The following TRIM60 variants were observed in gnomAD, a reference collection of about 807,000 sequenced individuals.
TRIM60 encodes tripartite motif containing 60.
For synonymous variants in TRIM60, 189 were observed against 195.2 expected (o/e 0.97, Z 0.27); for missense variants, 524 against 540.8 (o/e 0.97, Z 0.31).
chr4:165,036,904 G>GAA (rs201081021), intron 1 of TRIM60, among the ~76,000 whole-genome samples: 1 of 134,344 alleles, frequency 7.4e-6, no homozygotes, highest in Admixed American at 7.2e-5. Context: ...AAAGAAAAAA[G>GAA]AAAAAAAAAG....
At chr4:165,034,133 CTTTTTATTTTAAATGAAATACACTTTT>C (rs1337797623) in intron 1 of TRIM60, among the ~76,000 whole-genome samples, 1 of 150,484 alleles carries the variant, frequency 6.6e-6, no homozygotes, top group Non-Finnish European at 1.5e-5. Flanking sequence ...TTCCCTGCAC[CTTTTTATTTTAAATGAAATACACTTTT>C]TTTTTTTTTT....
At position 165,038,640 on chromosome 4, in the gene TRIM60, C is replaced by CAA. The variant is rs34680036; in HGVS notation, c.-56-543_-56-542dup. ...TGGGTGACACAGAAAGACCCTGTCT[C>CAA]AAAAAAAAAAAAAAAAAAAGCCTGC... On this transcript the variant is annotated intron_variant, in intron 1 of 2. Transcript: ENST00000512596. 1.4e-4 allele frequency among the ~76,000 whole-genome samples: 9 copies of CAA among 64,612 alleles called. No homozygotes were observed. The East Asian group carries it at 2.3e-3, about 17-fold the overall frequency. The allele number at this position is 64,612 out of a possible 152,430, so 42.4% of individuals were successfully genotyped here. A position where few individuals can be genotyped will look rare whatever the true frequency, so the allele number is the denominator to read the frequency against.
At chr4:165,038,562 A>G (rs1411621832) in intron 1 of TRIM60, among the ~76,000 whole-genome samples, 1 of 146,490 alleles carries the variant, frequency 6.8e-6, no homozygotes, top group East Asian at 2.0e-4. Flanking sequence ...GGTCGTGGTT[A>G]CTCTGCAGGC....
chr4:165,038,938 C>T (rs1733685632), intron 1 of TRIM60, among the ~76,000 whole-genome samples: 1 of 151,918 alleles, frequency 6.6e-6, no homozygotes. Flanking sequence ...TGGTAGGCGC[C>T]TTAATCCCAG....
Position 165,040,425 on chromosome 4 carries a change from A to G in TRIM60, c.353A>G (p.Gln118Arg). 2 of 1,614,232 alleles carry G rather than the reference A, an allele frequency of 1.2e-6. No individual in the cohort carries two copies. Among genetic ancestry groups the G allele is most frequent in the African/African-American group, 1.3e-5 (1 of 75,068 alleles). ...AAAGATCTAGAGATCTTATGTACAC[A>G]GTGCAGTTTCTCCACTAAACACCAG... Reference protein sequence around the residue: ...CVKDLEILCTQCSFSTKHQKH... With the variant: ...CVKDLEILCTRCSFSTKHQKH... The change falls in exon 3 of 3, where the codon CAG becomes CGG. Residue 118 changes from glutamine to arginine, a missense_variant. Coordinates refer to ENST00000512596, the MANE Select transcript of TRIM60 (RefSeq NM_152620.3).
At chr4:165,033,202 A>T (rs994517798) in intron 1 of TRIM60, among the ~76,000 whole-genome samples, 2 of 152,142 alleles carry the variant, frequency 1.3e-5, no homozygotes, top group Admixed American at 1.3e-4. Context: ...AAGTAAAATA[A>T]ATAAGGTAAT....
At chr4:165,039,027 A>C (rs998713387) in intron 1 of TRIM60, among the ~76,000 whole-genome samples, 174 bp from the exon 2 acceptor site, 1 of 152,056 alleles carries the variant, frequency 6.6e-6, no homozygotes, top group Non-Finnish European at 1.5e-5. Context: ...GTGCCATTGC[A>C]CTCCAGCCTG....
At position 165,040,800 on chromosome 4, in the gene TRIM60, A is replaced by G. The variant is rs1733742519; in HGVS notation, c.728A>G (p.Gln243Arg). Residue 243 changes from glutamine (Q) to arginine (R), a missense_variant, in exon 3 of 3, where the codon CAG becomes CGG. Transcript: ENST00000512596. ...LLREVEGKSV[Q>R]SNLELLTQAK... The stretch of plus-strand genomic sequence containing the variant: ...AGGGAGGTAGAGGGCAAGTCTGTGC[A>G]GTCAAACCTGGAATTACTGACACAA... 1 of 1,614,228 alleles carries G rather than the reference A, an allele frequency of 6.2e-7. No individual in the cohort carries two copies. Among genetic ancestry groups the G allele is most frequent in the South Asian group, 1.1e-5 (1 of 91,084 alleles).
At chr4:165,038,784 A>C (rs1218270214) in intron 1 of TRIM60, among the ~76,000 whole-genome samples, 1 of 151,380 alleles carries the variant, frequency 6.6e-6, no homozygotes, top group East Asian at 1.9e-4. Context: ...ATATAGTTTT[A>C]TATTATAGGC....
At chr4:165,039,158 C>G (rs2111215145) in intron 1 of TRIM60, 43 bp from the exon 2 acceptor site, 1 of 152,006 alleles carries the variant, frequency 6.6e-6, no homozygotes, top group Non-Finnish European at 1.5e-5. Context: ...ATATATTCTG[C>G]AAAAGTTCTC....
At chr4:165,039,177 G>A (rs1733691083) in intron 1 of TRIM60, 24 bp from the exon 2 acceptor site, 1 of 151,940 alleles carries the variant, frequency 6.6e-6, no homozygotes, top group African/African-American at 2.4e-5. Flanking sequence ...TCTATAGATG[G>A]TAATGCTTTG....
At chr4:165,038,145 A>T (rs1236002088) in intron 1 of TRIM60, among the ~76,000 whole-genome samples, 2 of 152,210 alleles carry the variant, frequency 1.3e-5, no homozygotes, top group African/African-American at 4.8e-5. Flanking sequence ...AGAGGTGTTT[A>T]TAAAGATCAT....
intron 1 of TRIM60, among the ~76,000 whole-genome samples, chr4:165,035,096 T>C (rs1163712513): frequency 1.3e-5 from 2 of 152,292 alleles, no homozygotes; most frequent in Non-Finnish European, 2.9e-5. Context: ...GAGGTATCTC[T>C]CTCTGTCACC....
chr4:165,041,222 G>C lies in TRIM60; in HGVS notation c.1150G>C (p.Gly384Arg), dbSNP rs141140702. ...GCAGGATCAGCCATCAGTTCTGGGC[G>C]GATTCTGGGCAATTGGGCGATACAT... ...NWQDQPSVLG[G>R]FWAIGRYMKS... Residue 384 changes from glycine to arginine, a missense_variant, in exon 3 of 3, where the codon GGA (glycine) becomes CGA (arginine). By Grantham distance (125) the Gly-to-Arg change is moderately radical. Coordinates refer to ENST00000512596, the MANE Select transcript of TRIM60 (RefSeq NM_152620.3). The C allele has an allele frequency of 6.2e-7, 1 of 1,614,100 alleles. No individual in the cohort carries two copies. The highest frequency in any genetic ancestry group is 8.5e-7 in the Non-Finnish European group (1 of 1,180,018).
intron 1 of TRIM60, among the ~76,000 whole-genome samples, chr4:165,033,746 C>G (rs1733558209): frequency 6.6e-6 from 1 of 152,134 alleles, no homozygotes; most frequent in African/African-American, 2.4e-5. Flanking sequence ...GTGATTTGTA[C>G]AGAGGTGACC....
chr4:165,037,036 C>T (rs1227934529), intron 1 of TRIM60, among the ~76,000 whole-genome samples: 1 of 151,644 alleles, frequency 6.6e-6, no homozygotes, highest in East Asian at 2.0e-4. Flanking sequence ...GACCCCATCT[C>T]TACTAAAAAT....
chr4:165,033,254 C>G (rs1733548396), intron 1 of TRIM60, among the ~76,000 whole-genome samples: 1 of 152,048 alleles, frequency 6.6e-6, no homozygotes, highest in African/African-American at 2.4e-5. Flanking sequence ...AGATCTCAAG[C>G]AGTAGAGGTT....
In TRIM60 at chr4:165,040,329, G is replaced by A; in HGVS notation, c.257G>A (p.Ser86Asn). 3 of 1,614,214 alleles carry A rather than the reference G, an allele frequency of 1.9e-6. No individual in the cohort carries two copies. Among genetic ancestry groups the A allele is most frequent in the Non-Finnish European group, 2.5e-6 (3 of 1,180,036 alleles). Reference protein sequence around the residue: ...EIAKQLQIRRSKRKRQKENAM... With the variant: ...EIAKQLQIRRNKRKRQKENAM... ...GCTAAACAACTCCAGATTAGGAGGA[G>A]CAAGAGAAAGAGGCAGAAAGAGAAT... The change falls in exon 3 of 3, where the codon AGC becomes AAC. Residue 86 changes from serine (S) to asparagine (N), a missense_variant. Transcript: ENST00000512596.
intron 1 of TRIM60, among the ~76,000 whole-genome samples, chr4:165,034,332 T>G (rs1244241864): frequency 3.3e-5 from 5 of 152,238 alleles, no homozygotes; most frequent in African/African-American, 1.2e-4. Context: ...TTTTGTATTG[T>G]TAGTAGAGAC....
Sources: allele counts gnomAD v4.1 joint callset (sites outside exome capture counted in the v4.1 genomes callset), GRCh38; gene constraint gnomAD v4.1.1; transcripts MANE v1.5; gene names NCBI Gene and HGNC (gene_info 2026-07-23, HGNC 2026-07-21).